The following CCNT1 variants were observed in gnomAD, a reference collection of about 807,000 sequenced individuals.
The protein encoded by CCNT1 is cyclin-T1.
A neutral mutation model predicts 67.3 loss-of-function variants in CCNT1; 18 were observed. The observed-to-expected ratio is 0.27, with a 90% confidence interval of 0.18 to 0.40. CCNT1 has a LOEUF of 0.40. Ranked by LOEUF, CCNT1 falls within the 10% of genes least tolerant of loss-of-function variation. The probability of loss-of-function intolerance (pLI) is 1.00; values close to 1 mark genes in which losing one functional copy is unlikely to be tolerated. For synonymous variants in CCNT1, 333 were observed against 310.3 expected (o/e 1.07, Z -0.77); for missense variants, 744 against 884.9 (o/e 0.84, Z 2.02).
At chr12:48,699,340 AAG>A (rs1940229023) in intron 5 of CCNT1, among the ~76,000 whole-genome samples, 1 of 152,202 alleles carries the variant, frequency 6.6e-6, no homozygotes, top group Non-Finnish European at 1.5e-5. Context: ...TAAACTAAAT[AAG>A]AGAGTTTCAT....
chr12:48,709,742 T>G (rs1229319744), intron 2 of CCNT1, among the ~76,000 whole-genome samples: 1 of 152,222 alleles, frequency 6.6e-6, no homozygotes, highest in African/African-American at 2.4e-5. Flanking sequence ...CTAGTTTATG[T>G]GCACAGAAAA....
chr12:48,715,295 G>A (rs1207565702), intron 1 of CCNT1, among the ~76,000 whole-genome samples: 1 of 152,120 alleles, frequency 6.6e-6, no homozygotes, highest in African/African-American at 2.4e-5. Flanking sequence ...ACACCCTTAA[G>A]ATACACACAT....
Position 48,693,984 on chromosome 12 carries a change from C to T in CCNT1, c.1230G>A (p.Met410Ile). ...CATATTGTGACTTCACATTGGCTTCCATGTTCTCCAGTTGCCTCTTCTGGG... is the reference window on the plus strand; with the variant it reads ...CATATTGTGACTTCACATTGGCTTCTATGTTCTCCAGTTGCCTCTTCTGGG... ...LAAQKRQLENMEANVKSQYAY... is the reference protein window; with the variant it reads ...LAAQKRQLENIEANVKSQYAY... The change falls in exon 9 of 9, where the codon ATG (methionine) becomes ATA (isoleucine). Residue 410 changes from methionine to isoleucine, a missense_variant. By Grantham distance (10) the Met-to-Ile change is conservative. Transcript: ENST00000261900. 6.2e-7 allele frequency: 1 copy of T among 1,614,206 alleles called. No homozygotes were observed. The highest frequency in any genetic ancestry group is 8.5e-7 in the Non-Finnish European group (1 of 1,180,036).
intron 2 of CCNT1, among the ~76,000 whole-genome samples, chr12:48,706,146 T>C (rs1000563973): frequency 3.3e-5 from 5 of 152,128 alleles, no homozygotes; most frequent in Non-Finnish European, 5.9e-5. Flanking sequence ...CTACTAGATG[T>C]AAGCAGACAG....
In CCNT1 at chr12:48,708,243, G is replaced by T. The variant is rs190420940; in HGVS notation, c.244-2347C>A. On this transcript the variant is annotated intron_variant, in intron 2 of 8. Transcript: ENST00000261900. ...AAATTATTTTAAAATATAGAAAAAAGAATTTTAAAAAGTTTAGAGTAGGCC... is the reference window on the plus strand; with the variant it reads ...AAATTATTTTAAAATATAGAAAAAATAATTTTAAAAAGTTTAGAGTAGGCC... 1.7e-3 allele frequency among the ~76,000 whole-genome samples: 253 copies of T among 151,502 alleles called. 2 individuals are homozygous for T. Among genetic ancestry groups the T allele is most frequent in the Non-Finnish European group, 1.3e-3 (91 of 67,856 alleles).
intron 5 of CCNT1, among the ~76,000 whole-genome samples, 198 bp downstream of exon 5, chr12:48,699,580 T>C (rs1940232094): frequency 6.6e-6 from 1 of 152,200 alleles, no homozygotes; most frequent in Admixed American, 6.5e-5. Context: ...TTAGTTCTCT[T>C]TAACTAGAGA....
In CCNT1 at chr12:48,693,315, A is replaced by G; in HGVS notation, c.1899T>C (p.Arg633=). ...LSFSQPSCKT[R]VPHSKLDKGP... ...CTTTATCCAGTTTCGAATGAGGGAC[A>G]CGAGTTTTACAGCTGGGCTGTGAAA... is the stretch of plus-strand genomic sequence containing the variant. The change falls in exon 9 of 9, where the codon CGT becomes CGC. Residue 633 remains arginine, a synonymous_variant. Coordinates refer to ENST00000261900, the MANE Select transcript of CCNT1 (RefSeq NM_001240.4). 3 of 1,614,228 alleles carry G rather than the reference A, an allele frequency of 1.9e-6. No individual in the cohort carries two copies. Among genetic ancestry groups the G allele is most frequent in the Non-Finnish European group, 2.5e-6 (3 of 1,180,034 alleles).
intron 3 of CCNT1, among the ~76,000 whole-genome samples, chr12:48,705,263 C>T (rs557072218): frequency 6.0e-5 from 9 of 150,954 alleles, no homozygotes; most frequent in Non-Finnish European, 1.0e-4. Flanking sequence ...AGATGTGAGC[C>T]AGCATGCCCA....
intron 1 of CCNT1, among the ~76,000 whole-genome samples, chr12:48,715,470 T>C (rs2137248150): frequency 6.6e-6 from 1 of 152,180 alleles, no homozygotes; most frequent in African/African-American, 2.4e-5. Flanking sequence ...TTTTAATTTT[T>C]TTTTTCTGAG....
In CCNT1 at chr12:48,695,818, CAT is replaced by C. The variant is rs746114894; in HGVS notation, c.716_717del (p.His239ArgfsTer32). The C allele has an allele frequency of 3.7e-6, 6 of 1,610,484 alleles. No individual in the cohort carries two copies. Among genetic ancestry groups the C allele is most frequent in the Non-Finnish European group, 5.1e-6 (6 of 1,176,714 alleles). On this transcript the variant is annotated frameshift_variant, in exon 8 of 9. Coordinates refer to ENST00000261900, the MANE Select transcript of CCNT1 (RefSeq NM_001240.4). LOFTEE classifies it high-confidence loss of function. The part of the protein sequence containing the change: ...VTLELLDELT[H>X]EFLQILEKTP... Reference sequence around the variant, plus strand: ...GTTTTCTCCAAAATCTGTAGAAACTCATGTGTCAGTTCTACAAGTAAAACAGA... The same window carrying C: ...GTTTTCTCCAAAATCTGTAGAAACTCGTGTCAGTTCTACAAGTAAAACAGA...
intron 2 of CCNT1, among the ~76,000 whole-genome samples, chr12:48,714,063 C>T (rs1255892422): frequency 6.6e-6 from 1 of 151,958 alleles, no homozygotes; most frequent in Non-Finnish European, 1.5e-5. Context: ...CAGCTACTTG[C>T]TTTTTGTTTT....
intron 2 of CCNT1, among the ~76,000 whole-genome samples, chr12:48,714,049 C>T (rs746028191): frequency 9.2e-5 from 14 of 152,128 alleles, no homozygotes; most frequent in Admixed American, 3.9e-4. Context: ...CATACCACAA[C>T]ACCCAGCTAC....
rs987688496 is a variant in CCNT1, at chr12:48,691,505, A to G, written c.*1528T>C. 4 of 152,238 alleles carry G rather than the reference A, an allele frequency of 2.6e-5. No homozygotes were observed. The highest frequency in any genetic ancestry group is 9.6e-5 in the African/African-American group (4 of 41,472). The allele number at this position is 152,238 out of a possible 1,614,324, so 9.4% of individuals were successfully genotyped here. The stretch of plus-strand genomic sequence containing the variant: ...TCTGGCTAGGTAGTTTTCAGTGGTT[A>G]GACAACTAACTTAGAATTCTTTCTA... On this transcript the variant is annotated 3_prime_UTR_variant, in exon 9 of 9. Coordinates refer to ENST00000261900, the MANE Select transcript of CCNT1 (RefSeq NM_001240.4).
chr12:48,706,082 T>A (rs1940353547), intron 2 of CCNT1, among the ~76,000 whole-genome samples, 186 bp from the exon 3 acceptor site: 1 of 151,302 alleles, frequency 6.6e-6, no homozygotes, highest in African/African-American at 2.4e-5. Context: ...CCATCTCCAC[T>A]TCCAAATACC....
At chr12:48,696,849 T>C (rs571101825) in intron 6 of CCNT1, among the ~76,000 whole-genome samples, 14 of 152,300 alleles carry the variant, frequency 9.2e-5, no homozygotes, top group Admixed American at 6.5e-4. Flanking sequence ...TTACTTTTTT[T>C]AGACAGAGTC....
Position 48,693,155 on chromosome 12 carries a change from A to C in CCNT1, c.2059T>G (p.Tyr687Asp), listed in dbSNP as rs778237254. 1 of 1,614,174 alleles carries C rather than the reference A, an allele frequency of 6.2e-7. No individual in the cohort carries two copies. The highest frequency in any genetic ancestry group is 8.5e-7 in the Non-Finnish European group (1 of 1,180,016). Residue 687 changes from tyrosine to aspartate, a missense_variant, in exon 9 of 9, where the codon TAT (tyrosine) becomes GAT (aspartate). Tyr to Asp is a radical substitution (Grantham distance 160). Around this residue, in one of 3 missense-constraint regions of CCNT1, gnomAD observed 564 missense variants for 574.2 expected, o/e 0.98. Coordinates refer to ENST00000261900, the MANE Select transcript of CCNT1 (RefSeq NM_001240.4). Reference sequence around the variant, plus strand: ...GACCGAGGATTCAGATAGTCACTATAAGGACGAACAAATTCAAATGCAGTG... The same window carrying C: ...GACCGAGGATTCAGATAGTCACTATCAGGACGAACAAATTCAAATGCAGTG... ...QPTAFEFVRP[Y>D]SDYLNPRSGG...
At chr12:48,712,316 CTT>C (rs1255285002) in intron 2 of CCNT1, among the ~76,000 whole-genome samples, 1 of 151,652 alleles carries the variant, frequency 6.6e-6, no homozygotes, top group South Asian at 2.1e-4. Flanking sequence ...GAGTTTCGCT[CTT>C]GTTGCCTAGG....
chr12:48,696,241 A>T lies in CCNT1; in HGVS notation c.543-79T>A, dbSNP rs1253510037. The T allele has an allele frequency of 3.8e-4, 19 of 49,792 alleles. No homozygotes were observed. The East Asian group carries it at 0.046, about 120-fold the overall frequency. 3.1% of individuals were successfully genotyped at this position (49,792 alleles called of 1,614,324 possible). ...CAAAGCTAAAACTCTCCATTATTTA[A>T]AAAAAAAAAAAAAAAAAAAAAAAAA... On this transcript the variant is annotated intron_variant, in intron 6 of 8. Coordinates refer to ENST00000261900, the MANE Select transcript of CCNT1 (RefSeq NM_001240.4).
chr12:48,696,249 A>T, intron 6 of CCNT1, 87 bp from the exon 7 acceptor site: 1 of 744,260 alleles, frequency 1.3e-6, no homozygotes, highest in Non-Finnish European at 2.0e-6. Context: ...TAAAAAAAAA[A>T]AAAAAAAAAA....
Sources: allele counts gnomAD v4.1 joint callset (sites outside exome capture counted in the v4.1 genomes callset), GRCh38; gene constraint gnomAD v4.1.1; regional missense constraint gnomAD v4.1.1; transcripts MANE v1.5; gene names NCBI Gene and HGNC (gene_info 2026-07-23, HGNC 2026-07-21).